The following FZR1 variants were observed in gnomAD, a reference collection of about 807,000 sequenced individuals.
The protein encoded by FZR1 is fizzy and cell division cycle 20 related 1, also known as fizzy-related protein homolog.
Under a neutral mutation model 63.6 loss-of-function variants are expected in FZR1, and 11 were observed. The ratio of observed to expected loss-of-function variants is 0.17; its 90% confidence interval spans 0.11 to 0.29. The LOEUF is 0.29. Ranked by LOEUF, FZR1 falls within the 10% of genes least tolerant of loss-of-function variation. FZR1 has a pLI of 1.00. For missense variants in FZR1, 440 were observed against 687.5 expected (o/e 0.64, Z 4.03); for synonymous variants, 328 against 297.9 (o/e 1.10, Z -1.04).
chr19:3,528,053 A>G (rs2083179627), intron 7 of FZR1, among the ~76,000 whole-genome samples: 1 of 125,618 alleles, frequency 8.0e-6, no homozygotes, highest in East Asian at 2.7e-4. Context: ...CCTCCCAGCC[A>G]TGGCCCTCCC....
At chr19:3,532,166 A>C in intron 10 of FZR1, 71 bp downstream of exon 10, 2 of 1,392,126 alleles carry the variant, frequency 1.4e-6, no homozygotes, top group Non-Finnish European at 1.9e-6. Context: ...GGAACGGAAG[A>C]GCCTGGGCTG....
chr19:3,534,349 C>T (rs1300355809), intron 12 of FZR1, 72 bp from the exon 13 acceptor site: 5 of 828,020 alleles, frequency 6.0e-6, no homozygotes, highest in African/African-American at 1.7e-5. Flanking sequence ...CTCCCCTCTC[C>T]TTCAGTCCCC....
In FZR1 at chr19:3,526,450, T is replaced by A; in HGVS notation, c.387+64T>A. ...AGTGCAGCCTCCCCGGCCCCCCACCTCCCAGGCACCAGCTCTGCCTCCCCG... is the reference window on the plus strand; with the variant it reads ...AGTGCAGCCTCCCCGGCCCCCCACCACCCAGGCACCAGCTCTGCCTCCCCG... On this transcript the variant is annotated intron_variant, in intron 5 of 13. Coordinates refer to ENST00000441788, the MANE Select transcript of FZR1 (RefSeq NM_016263.4). This position sits in a 1 kb window ranked among gnomAD's most constrained non-coding sequence, Gnocchi z 5.4. 7.3e-7 allele frequency: 1 copy of A among 1,370,764 alleles called. No individual in the cohort carries two copies. The highest frequency in any genetic ancestry group is 1.0e-6 in the Non-Finnish European group (1 of 1,002,024). 84.9% of individuals were successfully genotyped at this position (1,370,764 alleles called of 1,614,324 possible). A position where few individuals can be genotyped will look rare whatever the true frequency, so the allele number is the denominator to read the frequency against.
chr19:3,534,203 C>T, intron 12 of FZR1: 1 of 474,110 alleles, frequency 2.1e-6, no homozygotes. Context: ...GCCTGGGTGA[C>T]AGAGCCAGAC....
Position 3,526,105 on chromosome 19 carries a change from C to T in FZR1, c.196-15C>T, listed in dbSNP as rs945306132. ...GGGCTCCTCGACCCCTCCCTCTCTG[C>T]TCTCCTGCCTGCAGGAGAATGAGAA... is the stretch of plus-strand genomic sequence containing the variant. On this transcript the variant is annotated splice_polypyrimidine_tract_variant and intron_variant, in intron 3 of 13. Transcript: ENST00000441788. This position sits in a 1 kb window ranked among gnomAD's most constrained non-coding sequence, Gnocchi z 5.4. 1.2e-6 allele frequency: 2 copies of T among 1,612,120 alleles called. No homozygotes were observed. Among genetic ancestry groups the T allele is most frequent in the Non-Finnish European group, 1.7e-6 (2 of 1,179,288 alleles).
At chr19:3,532,194 G>A (rs528123528) in intron 10 of FZR1, 99 bp downstream of exon 10, 2 of 1,176,166 alleles carry the variant, frequency 1.7e-6, no homozygotes, top group South Asian at 1.6e-5. Flanking sequence ...CGCGGGCGCG[G>A]GGCCCACTCC....
At chr19:3,512,403 TAACTGATGAAGA>T (rs1365728655) in intron 1 of FZR1, among the ~76,000 whole-genome samples, 2 of 152,136 alleles carry the variant, frequency 1.3e-5, no homozygotes, top group Non-Finnish European at 2.9e-5. Flanking sequence ...TGTCCCTGCT[TAACTGATGAAGA>T]AACTGATGTC....
rs1599774633 is a variant in FZR1 at position 3,516,171 on chromosome 19, G to C, written c.-34-6785G>C. Reference sequence around the variant, plus strand: ...AGTTTGCAGCTTCTGCCAACCATGAGTGCGTGTGGCTGTCTCTCCCCACGC... The same window carrying C: ...AGTTTGCAGCTTCTGCCAACCATGACTGCGTGTGGCTGTCTCTCCCCACGC... On this transcript the variant is annotated intron_variant, in intron 1 of 13. Coordinates refer to ENST00000441788, the MANE Select transcript of FZR1 (RefSeq NM_016263.4). This position sits in a 1 kb window ranked among gnomAD's most constrained non-coding sequence, Gnocchi z 6.0. 6.6e-6 allele frequency among the ~76,000 whole-genome samples: 1 copy of C among 152,208 alleles called. No individual in the cohort carries two copies. Among genetic ancestry groups the C allele is most frequent in the Middle Eastern group, 3.2e-3 (1 of 316 alleles).
At chr19:3,529,817 T>TGGATGGGTGAGC (rs368762719) in intron 7 of FZR1, among the ~76,000 whole-genome samples, 1 of 66,192 alleles carries the variant, frequency 1.5e-5, no homozygotes, top group Non-Finnish European at 2.7e-5. Context: ...GATGGTTGAG[T>TGGATGGGTGAGC]GGATGGGTGA....
Position 3,526,221 on chromosome 19 carries a change from C to T in FZR1, c.259+38C>T, listed in dbSNP as rs771849722. On this transcript the variant is annotated intron_variant, in intron 4 of 13. Transcript: ENST00000441788. The surrounding 1 kb of genome is among the most constrained non-coding windows in gnomAD (Gnocchi z 5.4). ...GCCCATCCGCCCTGCAGGCCCCCAC[C>T]CTGCCTTGCCCCGCCTCACTGTGCT... The T allele has an allele frequency of 1.6e-5, 25 of 1,610,334 alleles. No homozygotes were observed. The South Asian group carries it at 2.7e-4, about 18-fold the overall frequency.
chr19:3,521,730 G>A (rs765108920), intron 1 of FZR1, among the ~76,000 whole-genome samples: 1 of 152,136 alleles, frequency 6.6e-6, no homozygotes, highest in Non-Finnish European at 1.5e-5. Context: ...TCAAATTCCT[G>A]ACCTCGTGAT....
At chr19:3,511,273 T>A (rs979402380) in intron 1 of FZR1, among the ~76,000 whole-genome samples, 4 of 152,206 alleles carry the variant, frequency 2.6e-5, no homozygotes, top group Non-Finnish European at 4.4e-5. Flanking sequence ...AGGCACCATT[T>A]GGAAGTGTGG....
chr19:3,520,500 G>C (rs1356620402), intron 1 of FZR1, among the ~76,000 whole-genome samples: 2 of 152,206 alleles, frequency 1.3e-5, no homozygotes, highest in African/African-American at 2.4e-5. Flanking sequence ...TGCACAGGCG[G>C]TGGGCGCTGG....
chr19:3,518,821 A>G (rs981437464), intron 1 of FZR1, among the ~76,000 whole-genome samples: 35 of 152,286 alleles, frequency 2.3e-4, no homozygotes, highest in African/African-American at 7.5e-4. Context: ...CCATGATCAA[A>G]CTACTGCATT....
Position 3,536,909 on chromosome 19 carries a change from C to G in FZR1, c.*2073C>G, listed in dbSNP as rs2029994201. 1 of 152,278 alleles carries G rather than the reference C, an allele frequency of 6.6e-6. No homozygotes were observed. Among genetic ancestry groups the G allele is most frequent in the South Asian group, 2.1e-4 (1 of 4,834 alleles). The allele number at this position is 152,278 out of a possible 1,614,324, so 9.4% of individuals were successfully genotyped here. On this transcript the variant is annotated 3_prime_UTR_variant, in exon 14 of 14. Coordinates refer to ENST00000441788, the MANE Select transcript of FZR1 (RefSeq NM_016263.4). The stretch of plus-strand genomic sequence containing the variant: ...TGGGGAGCTCAGCCCTCGAAGGCCG[C>G]AGAGACGCCTCCCAGGCCCGTCTGC...
intron 1 of FZR1, among the ~76,000 whole-genome samples, chr19:3,507,300 T>C (rs757342185): frequency 4.6e-5 from 7 of 151,512 alleles, no homozygotes; most frequent in Non-Finnish European, 1.0e-4. Context: ...AACGCAAGCC[T>C]GGCCATCTCG....
At chr19:3,530,929 AC>A in intron 8 of FZR1, 72 bp downstream of exon 8, 1 of 1,215,902 alleles carries the variant, frequency 8.2e-7, no homozygotes, top group Non-Finnish European at 1.2e-6. Context: ...GGCCTTGAAG[AC>A]CCAGAGGGTC....
At chr19:3,534,169 A>G (rs1207564487) in intron 12 of FZR1, 9 of 383,862 alleles carry the variant, frequency 2.3e-5, no homozygotes. Context: ...GCAGTAAGCC[A>G]GGATTGCCCC....
Position 3,535,061 on chromosome 19 carries a change from G to A in FZR1, c.*225G>A, listed in dbSNP as rs2122036180. On this transcript the variant is annotated 3_prime_UTR_variant, in exon 14 of 14. Transcript: ENST00000441788. ...GTGGTCGGGGACCCTCAGCAGCAGG[G>A]GCTCTGTCTCCCTTCCCAAAGGGCG... The A allele has an allele frequency of 3.4e-6, 2 of 585,926 alleles. No homozygotes were observed. The highest frequency in any genetic ancestry group is 4.6e-4 in the Middle Eastern group (1 of 2,188). The allele number at this position is 585,926 out of a possible 1,614,324, so 36.3% of individuals were successfully genotyped here.
Sources: allele counts gnomAD v4.1 joint callset (sites outside exome capture counted in the v4.1 genomes callset), GRCh38; gene constraint gnomAD v4.1.1; non-coding constraint Gnocchi (gnomAD v3.1); transcripts MANE v1.5; gene names NCBI Gene and HGNC (gene_info 2026-07-23, HGNC 2026-07-21).